TMEM63A: variants seen among roughly 807,000 people sequenced by gnomAD.
TMEM63A encodes mechanosensitive cation channel TMEM63A.
TMEM63A carries 76 observed loss-of-function variants against 100.6 expected under a neutral mutation model. The observed-to-expected ratio is 0.76, with a 90% CI of 0.63 to 0.91. The LOEUF (loss-of-function observed/expected upper bound fraction) is 0.91, where lower values mean the gene tolerates loss of function less well. Among genes scored for constraint, TMEM63A ranks in the 40% least tolerant of loss-of-function variants. The pLI is 0.00. For synonymous variants in TMEM63A, 401 were observed against 401.1 expected (o/e 1.00, Z 0.00); for missense variants, 876 against 1,008.8 (o/e 0.87, Z 1.78).
At chr1:225,864,260 T>C (rs1242949225) in intron 10 of TMEM63A, 1 of 152,266 alleles carries the variant, frequency 6.6e-6, no homozygotes, top group African/African-American at 2.4e-5. Flanking sequence ...GGCACTGTTC[T>C]AGGTGCTGGT....
intron 21 of TMEM63A, 103 bp downstream of exon 21, chr1:225,849,809 G>C: frequency 1.4e-6 from 2 of 1,426,974 alleles, no homozygotes; most frequent in Non-Finnish European, 1.9e-6. Context: ...ATTCTGACTG[G>C]ATGCCATGCT....
Position 225,852,763 on chromosome 1 carries a change from C to G in TMEM63A, c.1804G>C (p.Ala602Pro). 6.2e-7 allele frequency: 1 copy of G among 1,614,002 alleles called. No homozygotes were observed. Among genetic ancestry groups the G allele is most frequent in the Non-Finnish European group, 8.5e-7 (1 of 1,179,986 alleles). Residue 602 changes from alanine to proline, a missense_variant, in exon 20 of 25, where the codon GCC becomes CCC. Ala to Pro is a conservative substitution (Grantham distance 27, BLOSUM62 -1). This residue lies in a region of TMEM63A where 339 missense variants were observed against 342.3 expected (regional missense o/e 0.99). Transcript: ENST00000366835. ...ATGGCTCCAAACTCGTACTGGAAGGCCTGGTTCTGGGAGGAGGAGGTGGTG... is the reference window on the plus strand; with the variant it reads ...ATGGCTCCAAACTCGTACTGGAAGGGCTGGTTCTGGGAGGAGGAGGTGGTG... ...ADRRNVKQNQ[A>P]FQYEFGAMYA...
chr1:225,871,454 A>C, intron 5 of TMEM63A: 1 of 281,240 alleles, frequency 3.6e-6, no homozygotes, highest in Non-Finnish European at 6.9e-6. Context: ...AACAAGCCTA[A>C]TGGATTGGAC....
At chr1:225,848,615 C>G in intron 22 of TMEM63A, 61 bp from the exon 23 acceptor site, 1 of 1,545,892 alleles carries the variant, frequency 6.5e-7, no homozygotes, top group Non-Finnish European at 8.9e-7. Flanking sequence ...AACAAACACC[C>G]TCCAAACACA....
rs534925011 is a variant in TMEM63A, at chr1:225,853,995, G to A, written c.1635-204C>T. On this transcript the variant is annotated intron_variant, in intron 18 of 24. Coordinates refer to ENST00000366835, the MANE Select transcript of TMEM63A (RefSeq NM_014698.3). This position sits in a 1 kb window ranked among gnomAD's most constrained non-coding sequence, Gnocchi z 4.0. Reference sequence around the variant, plus strand: ...AACAAAGCCCCTGCGCCACTCTCTTGAAGTTCACATTCTAGCTGGGGGCAC... The same window carrying A: ...AACAAAGCCCCTGCGCCACTCTCTTAAAGTTCACATTCTAGCTGGGGGCAC... 6.6e-6 allele frequency among the ~76,000 whole-genome samples: 1 copy of A among 152,276 alleles called. No individual in the cohort carries two copies. Among genetic ancestry groups the A allele is most frequent in the Non-Finnish European group, 1.5e-5 (1 of 68,022 alleles).
rs545222343 is a variant in TMEM63A, at chr1:225,864,437, C to T, written c.746+1460G>A. Reference sequence around the variant, plus strand: ...AGGCAAATTCATACATCAATCCCCACGGACTGCAACAGCATTCACTAAAAA... The same window carrying T: ...AGGCAAATTCATACATCAATCCCCATGGACTGCAACAGCATTCACTAAAAA... On this transcript the variant is annotated intron_variant, in intron 10 of 24. Transcript: ENST00000366835. 5 of 152,312 alleles carry T rather than the reference C, an allele frequency of 3.3e-5. No homozygotes were observed. In the East Asian group the frequency reaches 9.6e-4, roughly 29 times the overall value. The allele number at this position is 152,312 out of a possible 1,614,324, so 9.4% of individuals were successfully genotyped here.
At chr1:225,848,863 G>T (rs879186083) in intron 22 of TMEM63A, 34 bp downstream of exon 22, 49 of 1,513,820 alleles carry the variant, frequency 3.2e-5, no homozygotes, top group Middle Eastern at 1.7e-4. Flanking sequence ...TTCCTCCCAG[G>T]GCTTGACCGG....
At chr1:225,871,740 G>C in intron 5 of TMEM63A, 1 of 507,854 alleles carries the variant, frequency 2.0e-6, no homozygotes, top group East Asian at 3.2e-5. Flanking sequence ...GTAAGAGAGA[G>C]AAGTGCTGGG....
chr1:225,876,944 T>C (rs1181295488), intron 3 of TMEM63A, among the ~76,000 whole-genome samples: 1 of 152,156 alleles, frequency 6.6e-6, no homozygotes. Flanking sequence ...CCACCGTACC[T>C]GGCCCAGCTT....
At chr1:225,874,406 T>C in intron 3 of TMEM63A, 39 bp from the exon 4 acceptor site, 3 of 1,579,506 alleles carry the variant, frequency 1.9e-6, no homozygotes, top group Non-Finnish European at 2.6e-6. Context: ...GCATATTGGA[T>C]GGCTTCTCAT....
At chr1:225,875,095 C>T (rs184076825) in intron 3 of TMEM63A, among the ~76,000 whole-genome samples, 9 of 152,322 alleles carry the variant, frequency 5.9e-5, no homozygotes, top group East Asian at 3.9e-4. Context: ...GAGCCAGAAA[C>T]GGTCAGTTTT....
At chr1:225,852,836 A>G (rs1576072931) in intron 19 of TMEM63A, 67 bp from the exon 20 acceptor site, 1 of 1,414,336 alleles carries the variant, frequency 7.1e-7, no homozygotes, top group Non-Finnish European at 1.0e-6. Flanking sequence ...TGTGCTCTCT[A>G]AGTGGTGATG....
chr1:225,868,510 C>G (rs1670331614), intron 6 of TMEM63A, among the ~76,000 whole-genome samples: 1 of 149,486 alleles, frequency 6.7e-6, no homozygotes, highest in African/African-American at 2.5e-5. Context: ...ACTGTCTCTA[C>G]TAAAAAATAC....
At chr1:225,851,521 CACCA>C (rs1185720384) in intron 20 of TMEM63A, among the ~76,000 whole-genome samples, 2 of 152,114 alleles carry the variant, frequency 1.3e-5, no homozygotes, top group Non-Finnish European at 2.9e-5. Context: ...AGGCGCCTGC[CACCA>C]TGCCCAGTTA....
intron 3 of TMEM63A, among the ~76,000 whole-genome samples, chr1:225,875,665 G>A (rs1418525231): frequency 1.3e-5 from 2 of 152,118 alleles, no homozygotes; most frequent in South Asian, 2.1e-4. Context: ...AGCGGCTGCC[G>A]CCCTGGCCTG....
rs1174830789 is a variant in TMEM63A at position 225,852,731 on chromosome 1, T to C, written c.1836A>G (p.Ala612=). Residue 612 remains alanine, a synonymous_variant, in exon 20 of 25, where the codon GCA becomes GCG. Transcript: ENST00000366835. ...TGACAGTGAAGACACACAGCATCCA[T>C]GCATACATGGCTCCAAACTCGTACT... is the stretch of plus-strand genomic sequence containing the variant. The part of the protein sequence containing the change: ...AFQYEFGAMY[A]WMLCVFTVIV... 1.9e-6 allele frequency: 3 copies of C among 1,614,008 alleles called. No homozygotes were observed. Among genetic ancestry groups the C allele is most frequent in the Admixed American group, 1.7e-5 (1 of 60,020 alleles).
At chr1:225,846,957 G>C in intron 24 of TMEM63A, 25 bp from the exon 25 acceptor site, 1 of 1,467,008 alleles carries the variant, frequency 6.8e-7, no homozygotes, top group Non-Finnish European at 9.1e-7. Flanking sequence ...AAGAAGTCAT[G>C]AACTTGGGAG....
intron 2 of TMEM63A, among the ~76,000 whole-genome samples, chr1:225,878,418 A>G (rs775469962): frequency 6.6e-6 from 1 of 152,074 alleles, no homozygotes; most frequent in Non-Finnish European, 1.5e-5. Flanking sequence ...TCACACACAC[A>G]TACCCCTCCT....
At position 225,861,767 on chromosome 1, in the gene TMEM63A, C is replaced by T. The variant is rs183662735; in HGVS notation, c.1085+451G>A. ...GGGTCAAGCTCCCCACTGCAGTGAGCGCCCCAGCGTGCCCCAGGGGTCTTC... is the reference window on the plus strand; with the variant it reads ...GGGTCAAGCTCCCCACTGCAGTGAGTGCCCCAGCGTGCCCCAGGGGTCTTC... On this transcript the variant is annotated intron_variant, in intron 13 of 24. Coordinates refer to ENST00000366835, the MANE Select transcript of TMEM63A (RefSeq NM_014698.3). The T allele has an allele frequency of 4.4e-4, 84 of 192,516 alleles. 2 individuals carry two copies. Among genetic ancestry groups the T allele is most frequent in the African/African-American group, 1.7e-3 (72 of 43,464 alleles). 11.9% of individuals were successfully genotyped at this position (192,516 alleles called of 1,614,324 possible).
Sources: allele counts gnomAD v4.1 joint callset (sites outside exome capture counted in the v4.1 genomes callset), GRCh38; gene constraint gnomAD v4.1.1; regional missense constraint gnomAD v4.1.1; non-coding constraint Gnocchi (gnomAD v3.1); transcripts MANE v1.5; gene names NCBI Gene and HGNC (gene_info 2026-07-23, HGNC 2026-07-21).